Variants in ZNF827 observed in about 807,000 individuals in gnomAD.
The protein encoded by ZNF827 is zinc finger protein 827.
A neutral mutation model predicts 102.4 loss-of-function variants in ZNF827; 13 were observed. The observed-to-expected ratio is 0.13, with a 90% CI of 0.08 to 0.20. ZNF827 has a LOEUF of 0.20. Ranked by LOEUF, ZNF827 falls within the 10% of genes least tolerant of loss-of-function variation. The pLI, the probability that ZNF827 is intolerant of heterozygous loss-of-function variation, is 1.00. For synonymous variants in ZNF827, 523 were observed against 536.2 expected (o/e 0.98, Z 0.34); for missense variants, 1,103 against 1,344.4 (o/e 0.82, Z 2.81).
chr4:145,776,884 T>C (rs1026596136), intron 9 of ZNF827, among the ~76,000 whole-genome samples: 17 of 152,216 alleles, frequency 1.1e-4, no homozygotes, highest in Non-Finnish European at 2.2e-4. Context: ...CTGACAAATG[T>C]TTCAGGATCG....
At chr4:145,884,893 A>G (rs568092048) in intron 4 of ZNF827, among the ~76,000 whole-genome samples, 1 of 152,284 alleles carries the variant, frequency 6.6e-6, no homozygotes, top group African/African-American at 2.4e-5. Context: ...ATTCCACTTT[A>G]TATGAGGTCC....
chr4:145,914,586 C>T (rs1752540438), intron 1 of ZNF827, among the ~76,000 whole-genome samples: 1 of 152,126 alleles, frequency 6.6e-6, no homozygotes, highest in Admixed American at 6.6e-5. Flanking sequence ...ATTTTCCCTG[C>T]CCACCTTCTG....
intron 3 of ZNF827, among the ~76,000 whole-genome samples, chr4:145,888,634 C>T (rs951415818): frequency 6.6e-6 from 1 of 152,214 alleles, no homozygotes; most frequent in Non-Finnish European, 1.5e-5. Context: ...AGTTAGAGCT[C>T]CTTAAATGGC....
chr4:145,869,073 ATC>A (rs1748461097), intron 5 of ZNF827, among the ~76,000 whole-genome samples: 1 of 152,256 alleles, frequency 6.6e-6, no homozygotes, highest in Non-Finnish European at 1.5e-5. Context: ...GTACTGCACT[ATC>A]TCTGCAAAGT....
At chr4:145,924,471 G>A (rs1753283680) in intron 1 of ZNF827, among the ~76,000 whole-genome samples, 1 of 152,122 alleles carries the variant, frequency 6.6e-6, no homozygotes, top group Non-Finnish European at 1.5e-5. Flanking sequence ...GCTGATTATT[G>A]AGGAACCAAA....
chr4:145,854,778 C>G (rs1309474766), intron 5 of ZNF827, among the ~76,000 whole-genome samples: 1 of 152,188 alleles, frequency 6.6e-6, no homozygotes, highest in African/African-American at 2.4e-5. Context: ...ATTCGGATGT[C>G]CCCTCTGTGA....
intron 7 of ZNF827, among the ~76,000 whole-genome samples, chr4:145,842,117 T>A (rs1745479679): frequency 6.6e-6 from 1 of 151,936 alleles, no homozygotes; most frequent in South Asian, 2.1e-4. Context: ...ATTATAAGAG[T>A]TTTTAAAAAT....
At chr4:145,861,686 G>A (rs377130865) in intron 5 of ZNF827, among the ~76,000 whole-genome samples, 36 of 151,950 alleles carry the variant, frequency 2.4e-4, no homozygotes, top group African/African-American at 8.7e-4. Flanking sequence ...CCTTCAGCAC[G>A]CCCCCACCCC....
intron 7 of ZNF827, 70 bp downstream of exon 7, chr4:145,845,886 C>T (rs1450601855): frequency 7.2e-6 from 11 of 1,517,596 alleles, no homozygotes; most frequent in Non-Finnish European, 9.1e-6. Flanking sequence ...TGGGGAGCAA[C>T]GTTCAACATG....
intron 5 of ZNF827, among the ~76,000 whole-genome samples, chr4:145,858,067 A>G: frequency 6.6e-6 from 1 of 152,166 alleles, no homozygotes; most frequent in East Asian, 1.9e-4. Context: ...CCATCCTTAT[A>G]TGTTGTGAAT....
intron 3 of ZNF827, 151 bp from the exon 4 acceptor site, chr4:145,886,309 G>A: frequency 7.8e-7 from 1 of 1,288,666 alleles, no homozygotes; most frequent in Non-Finnish European, 1.0e-6. Flanking sequence ...TCCAGGTAAT[G>A]AGGCCAATCC....
Position 145,902,037 on chromosome 4 carries a change from G to A in ZNF827, c.1093+129C>T, listed in dbSNP as rs1751454319. Reference sequence around the variant, plus strand: ...TATGCTGCTTACTTAAAGTATTTTTGTTGTGCTCTTGCTTTTTTATTCCTG... The same window carrying A: ...TATGCTGCTTACTTAAAGTATTTTTATTGTGCTCTTGCTTTTTTATTCCTG... On this transcript the variant is annotated intron_variant, in intron 2 of 14. Coordinates refer to ENST00000508784, the MANE Select transcript of ZNF827 (RefSeq NM_001306215.2). The surrounding 1 kb of genome is among the most constrained non-coding windows in gnomAD (Gnocchi z 4.3). The A allele has an allele frequency of 2.5e-6, 3 of 1,196,664 alleles. No individual in the cohort carries two copies. The highest frequency in any genetic ancestry group is 5.0e-5 in the East Asian group (2 of 39,906). 74.1% of individuals were successfully genotyped at this position (1,196,664 alleles called of 1,614,324 possible). A position where few individuals can be genotyped will look rare whatever the true frequency, so the allele number is the denominator to read the frequency against.
intron 1 of ZNF827, among the ~76,000 whole-genome samples, chr4:145,917,633 T>C (rs1156391128): frequency 7.7e-6 from 1 of 129,146 alleles, no homozygotes; most frequent in Admixed American, 1.0e-4. Context: ...CATCAAGTGG[T>C]AAGATTGAAG....
intron 4 of ZNF827, among the ~76,000 whole-genome samples, chr4:145,872,932 T>A (rs1003176458): frequency 6.7e-6 from 1 of 148,324 alleles, no homozygotes; most frequent in Non-Finnish European, 1.5e-5. Flanking sequence ...AGGCAACAAT[T>A]TTTTTTTCTT....
intron 8 of ZNF827, among the ~76,000 whole-genome samples, chr4:145,788,445 T>C (rs1366773834): frequency 6.6e-6 from 1 of 152,222 alleles, no homozygotes; most frequent in African/African-American, 2.4e-5. Flanking sequence ...GCTGCCATTA[T>C]AACAATAATC....
chr4:145,801,321 A>G (rs1740877471), intron 8 of ZNF827, among the ~76,000 whole-genome samples: 1 of 152,226 alleles, frequency 6.6e-6, no homozygotes, highest in African/African-American at 2.4e-5. Context: ...TTCAGATATT[A>G]TATATGTATA....
At chr4:145,932,536 A>G (rs917773437) in intron 1 of ZNF827, among the ~76,000 whole-genome samples, 10 of 149,916 alleles carry the variant, frequency 6.7e-5, no homozygotes, top group African/African-American at 2.2e-4. Flanking sequence ...GTGTAGTGGC[A>G]CAATCTCGGC....
chr4:145,817,622 A>G (rs1273558327), intron 8 of ZNF827, among the ~76,000 whole-genome samples: 1 of 152,188 alleles, frequency 6.6e-6, no homozygotes, highest in Non-Finnish European at 1.5e-5. Flanking sequence ...CATGGGAGAA[A>G]CCATCACCAT....
Position 145,885,756 on chromosome 4 carries a change from C to T in ZNF827, c.1669G>A (p.Val557Met). ...AACAATGCTGACGCACTGTTGGCCA[C>T]ATACTCGGAGGGGTCTTTCAGCTTT... is the stretch of plus-strand genomic sequence containing the variant. The part of the protein sequence containing the change: ...HTKLKDPSEY[V>M]ANSASALFSQ... Residue 557 changes from valine (V) to methionine (M), a missense_variant, in exon 4 of 15, where the codon GTG becomes ATG. Val to Met is a conservative substitution (Grantham distance 21, BLOSUM62 1). This residue lies in a region of ZNF827 where 157 missense variants were observed against 211.7 expected (regional missense o/e 0.74). Coordinates refer to ENST00000508784, the MANE Select transcript of ZNF827 (RefSeq NM_001306215.2). 1 of 1,600,970 alleles carries T rather than the reference C, an allele frequency of 6.2e-7. No individual in the cohort carries two copies. Among genetic ancestry groups the T allele is most frequent in the Non-Finnish European group, 8.5e-7 (1 of 1,173,402 alleles).
Sources: allele counts gnomAD v4.1 joint callset (sites outside exome capture counted in the v4.1 genomes callset), GRCh38; gene constraint gnomAD v4.1.1; regional missense constraint gnomAD v4.1.1; non-coding constraint Gnocchi (gnomAD v3.1); transcripts MANE v1.5; gene names NCBI Gene and HGNC (gene_info 2026-07-23, HGNC 2026-07-21).